The following KHDRBS2 variants were observed in gnomAD, a reference collection of about 807,000 sequenced individuals.
KHDRBS2 encodes KH RNA binding domain containing, signal transduction associated 2.
KHDRBS2 carries 26 observed loss-of-function variants against 44.3 expected under a neutral mutation model. The observed-to-expected ratio is 0.59, with a 90% confidence interval of 0.43 to 0.81. The LOEUF is 0.81. KHDRBS2 is among the 40% of genes least tolerant of loss of function. KHDRBS2 has a pLI of 0.00. For synonymous variants in KHDRBS2, 194 were observed against 151.1 expected, an observed-to-expected ratio of 1.28 and a Z score of -2.08; for missense variants, 476 against 433.1, an observed-to-expected ratio of 1.10 and a Z score of -0.88.
intron 3 of KHDRBS2, among the ~76,000 whole-genome samples, chr6:62,010,092 G>T (rs1780019866): frequency 6.6e-6 from 1 of 152,180 alleles, no homozygotes; most frequent in African/African-American, 2.4e-5. Context: ...CATGAAGGCA[G>T]CCTGGAGGGA....
At chr6:62,242,540 A>G (rs2150168525) in intron 1 of KHDRBS2, among the ~76,000 whole-genome samples, 1 of 152,208 alleles carries the variant, frequency 6.6e-6, no homozygotes, top group South Asian at 2.1e-4. Context: ...GAGTAATATT[A>G]TCCAGGATGA....
chr6:62,073,719 C>A (rs1452373864), intron 2 of KHDRBS2, among the ~76,000 whole-genome samples: 1 of 151,482 alleles, frequency 6.6e-6, no homozygotes, highest in Non-Finnish European at 1.5e-5. Flanking sequence ...TTCTTGGCTA[C>A]TATTTCCTGT....
At chr6:61,766,141 G>C (rs1268866961) in intron 6 of KHDRBS2, among the ~76,000 whole-genome samples, 2 of 151,586 alleles carry the variant, frequency 1.3e-5, no homozygotes, top group South Asian at 4.2e-4. Context: ...TTTCATTATA[G>C]CTTCAATCTC....
chr6:62,108,314 C>T (rs1157330189), intron 2 of KHDRBS2, among the ~76,000 whole-genome samples: 3 of 152,154 alleles, frequency 2.0e-5, no homozygotes, highest in Admixed American at 6.6e-5. Context: ...CAAAAGAAGA[C>T]ATTTATGCAG....
chr6:61,942,527 A>T (rs1812333129), intron 4 of KHDRBS2, among the ~76,000 whole-genome samples: 1 of 152,118 alleles, frequency 6.6e-6, no homozygotes, highest in Non-Finnish European at 1.5e-5. Flanking sequence ...TAACCCAATG[A>T]GGCAAAAATA....
chr6:62,229,282 G>T (rs1861480), intron 1 of KHDRBS2, among the ~76,000 whole-genome samples: 1 of 152,102 alleles, frequency 6.6e-6, no homozygotes, highest in Non-Finnish European at 1.5e-5. Flanking sequence ...GGGGCACTCG[G>T]TCTACAGTAT....
chr6:61,775,624 T>C (rs1300728415), intron 6 of KHDRBS2, among the ~76,000 whole-genome samples: 1 of 152,128 alleles, frequency 6.6e-6, no homozygotes. Context: ...TACAAACCAT[T>C]GCTCAATGAA....
chr6:62,052,561 C>A (rs1262653089), intron 2 of KHDRBS2, among the ~76,000 whole-genome samples: 2 of 138,364 alleles, frequency 1.4e-5, no homozygotes, highest in Non-Finnish European at 3.0e-5. Flanking sequence ...ACCTTTTTGG[C>A]ACCAGGGACC....
chr6:62,154,343 A>C (rs1331715615), intron 2 of KHDRBS2, among the ~76,000 whole-genome samples: 2 of 152,256 alleles, frequency 1.3e-5, no homozygotes, highest in Non-Finnish European at 1.5e-5. Context: ...ATTACTTCCT[A>C]GTCTGGATTT....
At chr6:61,603,086 T>A in the KHDRBS2 span, among the ~76,000 whole-genome samples, 1 of 152,106 alleles carries the variant, frequency 6.6e-6, no homozygotes, top group African/African-American at 2.4e-5. Flanking sequence ...CCCCGCTCAA[T>A]GCCAATATCC....
chr6:62,260,700 A>G (rs781487524), intron 1 of KHDRBS2, among the ~76,000 whole-genome samples: 2 of 151,936 alleles, frequency 1.3e-5, no homozygotes, highest in Non-Finnish European at 2.9e-5. Flanking sequence ...CTCCGAAGCT[A>G]CATTTTACAG....
intron 6 of KHDRBS2, among the ~76,000 whole-genome samples, chr6:61,852,738 ATAAAC>A (rs1373744377): frequency 6.6e-6 from 1 of 151,996 alleles, no homozygotes; most frequent in Non-Finnish European, 1.5e-5. Flanking sequence ...TAACAAAAAC[ATAAAC>A]TATACAATGG....
At chr6:62,227,973 C>T (rs1384822547) in intron 1 of KHDRBS2, among the ~76,000 whole-genome samples, 5 of 152,078 alleles carry the variant, frequency 3.3e-5, no homozygotes, top group African/African-American at 1.2e-4. Flanking sequence ...GGATATTGGC[C>T]TGAAATTTTT....
At chr6:61,584,651 A>G in the KHDRBS2 span, among the ~76,000 whole-genome samples, 9 of 151,968 alleles carry the variant, frequency 5.9e-5, no homozygotes, top group East Asian at 1.5e-3. Flanking sequence ...TTAACAAACT[A>G]ACAAGAGATT....
At chr6:61,551,397 T>A in the KHDRBS2 span, among the ~76,000 whole-genome samples, 1 of 152,208 alleles carries the variant, frequency 6.6e-6, no homozygotes, top group Admixed American at 6.5e-5. Flanking sequence ...ATTTTTGCTT[T>A]TGTTGCAATT....
intron 2 of KHDRBS2, among the ~76,000 whole-genome samples, chr6:62,150,491 T>C (rs1287392929): frequency 6.6e-6 from 1 of 152,182 alleles, no homozygotes; most frequent in African/African-American, 2.4e-5. Flanking sequence ...TCCCTGTCTA[T>C]GGAACTAGTA....
intron 6 of KHDRBS2, among the ~76,000 whole-genome samples, chr6:61,882,833 C>T (rs1196036365): frequency 6.6e-6 from 1 of 152,000 alleles, no homozygotes; most frequent in Non-Finnish European, 1.5e-5. Context: ...AGGCTTTCTG[C>T]AAAGTCAGTG....
intron 1 of KHDRBS2, among the ~76,000 whole-genome samples, chr6:62,194,320 G>T (rs547069507): frequency 6.6e-6 from 1 of 151,612 alleles, no homozygotes; most frequent in East Asian, 1.9e-4. Context: ...TTGTTGAAAT[G>T]ACTATTTTTT....
rs540180752 is a variant in KHDRBS2, at chr6:61,697,221, A to G, written c.926T>C (p.Val309Ala). 8.1e-5 allele frequency: 131 copies of G among 1,610,160 alleles called. 4 individuals are homozygous for G. In the South Asian group the frequency reaches 1.4e-3, roughly 18 times the overall value. ...GTAGCTGTCATAGGCATCCTCACTT[A>G]CTCCATGACCGTAGTCATAGTATTC... ...VPEYYDYGHG[V>A]SEDAYDSYAP... The change falls in exon 8 of 9, where the codon GTA (valine) becomes GCA (alanine). Residue 309 changes from valine to alanine, a missense_variant. By Grantham distance (64) the Val-to-Ala change is moderately conservative (BLOSUM62 0). Coordinates refer to ENST00000281156, the MANE Select transcript of KHDRBS2 (RefSeq NM_152688.4).
Sources: allele counts gnomAD v4.1 joint callset (sites outside exome capture counted in the v4.1 genomes callset), GRCh38; gene constraint gnomAD v4.1.1; transcripts MANE v1.5; gene names NCBI Gene and HGNC (gene_info 2026-07-23, HGNC 2026-07-21).